Variants in CSMD3 observed in about 807,000 individuals in gnomAD.
CSMD3 encodes CUB and sushi domain-containing protein 3.
Under a neutral mutation model 435.2 loss-of-function variants are expected in CSMD3, and 177 were observed. The ratio of observed to expected loss-of-function variants is 0.41; its 90% CI spans 0.36 to 0.46. The LOEUF (loss-of-function observed/expected upper bound fraction) is 0.46, where lower values mean the gene tolerates loss of function less well. Among genes scored for constraint, CSMD3 ranks in the 20% least tolerant of loss-of-function variants. The pLI, the probability that CSMD3 is intolerant of heterozygous loss-of-function variation, is 0.34. For synonymous variants in CSMD3, 1,656 were observed against 1,520.5 expected (o/e 1.09, Z -2.07); for missense variants, 4,265 against 4,504.6 (o/e 0.95, Z 1.52).
chr8:112,970,600 T>C (rs1037420811), intron 7 of CSMD3, among the ~76,000 whole-genome samples: 8 of 152,018 alleles, frequency 5.3e-5, no homozygotes, highest in Non-Finnish European at 8.8e-5. Context: ...AAACAACTTA[T>C]TTATTTTTGT....
chr8:112,336,626 A>G lies in CSMD3; in HGVS notation c.7019+26T>C, dbSNP rs568673285. The G allele has an allele frequency of 4.6e-6, 7 of 1,528,312 alleles. No homozygotes were observed. The African/African-American group carries it at 5.5e-5, about 12-fold the overall frequency. 94.7% of individuals were successfully genotyped at this position (1,528,312 alleles called of 1,614,324 possible). ...GTTTTACTGTGTATATAATTGAATA[A>G]ATCAATAACAATAGTCCTGACTTAC... is the stretch of plus-strand genomic sequence containing the variant. On this transcript the variant is annotated intron_variant, in intron 44 of 70. Coordinates refer to ENST00000297405, the MANE Select transcript of CSMD3 (RefSeq NM_198123.2).
At chr8:112,824,150 T>A (rs1048529040) in intron 12 of CSMD3, among the ~76,000 whole-genome samples, 1 of 150,248 alleles carries the variant, frequency 6.7e-6, no homozygotes, top group Non-Finnish European at 1.5e-5. Context: ...CAACCCCTGC[T>A]TTTTTTTTGC....
intron 3 of CSMD3, among the ~76,000 whole-genome samples, chr8:113,248,815 A>G (rs894938446): frequency 1.3e-5 from 2 of 151,956 alleles, no homozygotes; most frequent in African/African-American, 2.4e-5. Flanking sequence ...TAAATCTGGT[A>G]TGATGTTCAA....
chr8:113,400,520 G>C (rs1356389610), intron 1 of CSMD3, among the ~76,000 whole-genome samples: 1 of 151,898 alleles, frequency 6.6e-6, no homozygotes, highest in Non-Finnish European at 1.5e-5. Context: ...TTTTAAAGCA[G>C]CCTGAGTGCT....
chr8:112,383,007 A>G (rs951515427), intron 37 of CSMD3, among the ~76,000 whole-genome samples: 3 of 152,190 alleles, frequency 2.0e-5, no homozygotes, highest in African/African-American at 7.2e-5. Flanking sequence ...TAAAAACCTT[A>G]ATAAATCTAA....
At chr8:112,989,352 A>G (rs1170722619) in intron 6 of CSMD3, among the ~76,000 whole-genome samples, 2 of 151,980 alleles carry the variant, frequency 1.3e-5, no homozygotes, top group African/African-American at 2.4e-5. Context: ...TTATTTCTCT[A>G]TACTATGTTC....
chr8:112,977,712 G>C (rs985531387), intron 6 of CSMD3, among the ~76,000 whole-genome samples: 5 of 152,044 alleles, frequency 3.3e-5, no homozygotes, highest in African/African-American at 1.2e-4. Context: ...AATGAGGTAT[G>C]ACGATTATCA....
rs11440141 is a variant in CSMD3, at chr8:113,059,995, A to ATT, written c.917+38759_917+38760dup. Among the ~76,000 whole-genome samples the ATT allele has an allele frequency of 1.7e-4, 25 of 145,530 alleles. No individual in the cohort carries two copies. In the East Asian group the frequency reaches 1.8e-3, roughly 11 times the overall value. ...GGCCTTGTTTTATTTTTATTTATTT[A>ATT]TTTTTTTTTTATTATACTCTAAGTT... On this transcript the variant is annotated intron_variant, in intron 5 of 70. Transcript: ENST00000297405.
At chr8:113,148,088 C>A (rs1376160546) in intron 4 of CSMD3, among the ~76,000 whole-genome samples, 1 of 151,696 alleles carries the variant, frequency 6.6e-6, no homozygotes. Context: ...TTTAAAAAAT[C>A]TTTAAAATGA....
intron 53 of CSMD3, among the ~76,000 whole-genome samples, chr8:112,298,770 G>A (rs972477451): frequency 6.6e-6 from 1 of 152,080 alleles, no homozygotes; most frequent in Non-Finnish European, 1.5e-5. Context: ...ATACCTTTAT[G>A]CATCCAACAG....
At chr8:113,068,298 G>A (rs1436819283) in intron 5 of CSMD3, among the ~76,000 whole-genome samples, 1 of 152,004 alleles carries the variant, frequency 6.6e-6, no homozygotes, top group Non-Finnish European at 1.5e-5. Context: ...CAGCTAAAAC[G>A]TACTGGGACC....
intron 6 of CSMD3, among the ~76,000 whole-genome samples, chr8:112,982,781 A>G (rs1206882972): frequency 1.3e-5 from 2 of 151,984 alleles, no homozygotes; most frequent in Non-Finnish European, 2.9e-5. Context: ...AAAATGTCTA[A>G]ATATATTACC....
chr8:112,984,495 C>G (rs1005689233), intron 6 of CSMD3, among the ~76,000 whole-genome samples: 1 of 152,006 alleles, frequency 6.6e-6, no homozygotes, highest in Admixed American at 6.6e-5. Context: ...TATAATATCT[C>G]GCCAACTGTC....
intron 4 of CSMD3, among the ~76,000 whole-genome samples, chr8:113,164,716 C>T (rs987442332): frequency 3.3e-5 from 5 of 151,942 alleles, no homozygotes; most frequent in Non-Finnish European, 5.9e-5. Flanking sequence ...GGTTCAACCA[C>T]GTATATCTTT....
intron 24 of CSMD3, among the ~76,000 whole-genome samples, chr8:112,567,664 A>G (rs1284893360): frequency 3.3e-5 from 5 of 152,158 alleles, no homozygotes. Context: ...TTTAGAAATC[A>G]TTCTTGAAAT....
chr8:113,007,719 T>A (rs1426302602), intron 6 of CSMD3, among the ~76,000 whole-genome samples: 1 of 151,914 alleles, frequency 6.6e-6, no homozygotes, highest in Non-Finnish European at 1.5e-5. Context: ...TCCATCAAGC[T>A]GAAATGATTT....
At chr8:113,156,009 T>C (rs2091921377) in intron 4 of CSMD3, among the ~76,000 whole-genome samples, 1 of 152,042 alleles carries the variant, frequency 6.6e-6, no homozygotes, top group Admixed American at 6.6e-5. Flanking sequence ...ATCAGGATTG[T>C]GGGTGGTCAC....
At chr8:112,273,379 A>G (rs1817705483) in intron 59 of CSMD3, among the ~76,000 whole-genome samples, 1 of 152,106 alleles carries the variant, frequency 6.6e-6, no homozygotes, top group Non-Finnish European at 1.5e-5. Flanking sequence ...AACTTACTAT[A>G]TGCCAGAACC....
intron 24 of CSMD3, among the ~76,000 whole-genome samples, chr8:112,560,201 CATT>C (rs1296895370): frequency 6.6e-6 from 1 of 151,716 alleles, no homozygotes; most frequent in Non-Finnish European, 1.5e-5. Flanking sequence ...TTGAGATAAA[CATT>C]ATCTCTCAGA....
Sources: gnomAD v4.1 joint callset for allele counts (sites outside exome capture counted in the v4.1 genomes callset) on GRCh38, gnomAD v4.1.1 for gene constraint, MANE v1.5 for transcripts, NCBI Gene and HGNC (gene_info 2026-07-23, HGNC 2026-07-21) for gene names.